CPNE7: variants seen among roughly 807,000 people sequenced by gnomAD.
CPNE7 encodes the protein copine-7.
A neutral mutation model predicts 66.5 loss-of-function variants in CPNE7; 78 were observed. The observed-to-expected ratio is 1.17, with a 90% CI of 0.98 to 1.42. CPNE7 has a LOEUF of 1.42. Among genes scored for constraint, CPNE7 ranks in the 40% most tolerant of loss-of-function variants. CPNE7 has a pLI of 0.00. For missense variants in CPNE7, 1,012 were observed against 776.6 expected, an observed-to-expected ratio of 1.30 and a Z score of -3.60; for synonymous variants, 468 against 336.7, an observed-to-expected ratio of 1.39 and a Z score of -4.27.
Position 89,596,510 on chromosome 16 carries a change from C to T in CPNE7, c.1566C>T (p.Cys522=). ...KNASPAALAK[C]VLAEVPKQVV... ...CATCCCCTGCGGCGCTGGCCAAGTG[C>T]GTGCTGGCCGAGGTCCCGAAGCAGG... The change falls in exon 15 of 15, where the codon TGC becomes TGT. Residue 522 remains cysteine (C), a synonymous_variant. Coordinates refer to ENST00000319518, the MANE Select transcript of CPNE7 (RefSeq NM_153636.3). 15 of 1,609,546 alleles carry T rather than the reference C, an allele frequency of 9.3e-6. No homozygotes were observed. The highest frequency in any genetic ancestry group is 1.7e-4 in the Middle Eastern group (1 of 6,052).
intron 9 of CPNE7, 69 bp from the exon 10 acceptor site, chr16:89,588,606 C>G: frequency 6.3e-7 from 1 of 1,597,440 alleles, no homozygotes; most frequent in Non-Finnish European, 8.5e-7. Context: ...GGCGTGGTTT[C>G]TCTACCTGTC....
At chr16:89,586,895 G>T in intron 8 of CPNE7, 139 bp downstream of exon 8, 1 of 1,101,884 alleles carries the variant, frequency 9.1e-7, no homozygotes, top group Non-Finnish European at 1.3e-6. Context: ...ACGGGGAAGG[G>T]CGAGGTTGGG....
At position 89,585,563 on chromosome 16, in the gene CPNE7, G is replaced by A. The variant is rs759078456; in HGVS notation, c.681+10G>A. The A allele has an allele frequency of 2.7e-5, 43 of 1,607,726 alleles. No individual in the cohort carries two copies. The South Asian group carries it at 3.8e-4, about 14-fold the overall frequency. Reference sequence around the variant, plus strand: ...GACAAGGCCTCTAAAGGTGGGGGACGGGATGGACCAAGGGGGCAGTGAGGG... The same window carrying A: ...GACAAGGCCTCTAAAGGTGGGGGACAGGATGGACCAAGGGGGCAGTGAGGG... On this transcript the variant is annotated intron_variant, in intron 6 of 14. Transcript: ENST00000319518.
intron 2 of CPNE7, 110 bp from the exon 3 acceptor site, chr16:89,583,587 G>C (rs933868996): frequency 5.0e-6 from 8 of 1,604,722 alleles, no homozygotes; most frequent in Non-Finnish European, 3.4e-6. Flanking sequence ...TCATGGTGGG[G>C]GATGGGGAGA....
chr16:89,588,793 G>C lies in CPNE7; in HGVS notation c.1046G>C (p.Cys349Ser). The change falls in exon 10 of 15, where the codon TGC becomes TCC. Residue 349 changes from cysteine (C) to serine (S), a missense_variant. Coordinates refer to ENST00000319518, the MANE Select transcript of CPNE7 (RefSeq NM_153636.3). Reference sequence around the variant, plus strand: ...GCACTGGTGTCCGTGGGCGAGATCTGCCAGGACTATGACAGGTGCGCCCAC... The same window carrying C: ...GCACTGGTGTCCGTGGGCGAGATCTCCCAGGACTATGACAGGTGCGCCCAC... ...LKALVSVGEI[C>S]QDYDSDKRFS... 2 of 1,613,550 alleles carry C rather than the reference G, an allele frequency of 1.2e-6. No homozygotes were observed. The highest frequency in any genetic ancestry group is 2.2e-5 in the South Asian group (2 of 91,078).
Position 89,596,914 on chromosome 16 carries a change from C to T in CPNE7, c.*293C>T, listed in dbSNP as rs571597906. 41 of 320,132 alleles carry T rather than the reference C, an allele frequency of 1.3e-4. No individual in the cohort carries two copies. The highest frequency in any genetic ancestry group is 8.6e-4 in the African/African-American group (40 of 46,648). The allele number at this position is 320,132 out of a possible 1,614,324, so 19.8% of individuals were successfully genotyped here. On this transcript the variant is annotated 3_prime_UTR_variant, in exon 15 of 15. Coordinates refer to ENST00000319518, the MANE Select transcript of CPNE7 (RefSeq NM_153636.3). ...GAGCTGGGAGTTCATCCACGGGAGA[C>T]CCTGCCCCGATGAGAAGGGGCAGGG... is the stretch of plus-strand genomic sequence containing the variant.
intron 7 of CPNE7, 121 bp from the exon 8 acceptor site, chr16:89,586,544 GCCCTC>G (rs563131504): frequency 1.4e-5 from 10 of 713,892 alleles, no homozygotes; most frequent in Non-Finnish European, 2.0e-5. Flanking sequence ...CTGCAGCAGT[GCCCTC>G]CCCTCCCCTC....
At chr16:89,589,859 G>A in intron 10 of CPNE7, 38 bp from the exon 11 acceptor site, 1 of 1,612,502 alleles carries the variant, frequency 6.2e-7, no homozygotes, top group Non-Finnish European at 8.5e-7. Context: ...AGCCACAAGA[G>A]GTCAGGGCCT....
At chr16:89,578,561 A>C (rs2058896822) in intron 2 of CPNE7, among the ~76,000 whole-genome samples, 1 of 151,776 alleles carries the variant, frequency 6.6e-6, no homozygotes, top group African/African-American at 2.4e-5. Context: ...GGAGTTCGAG[A>C]CCAGCCTGGC....
intron 9 of CPNE7, among the ~76,000 whole-genome samples, chr16:89,587,382 G>C (rs1391991829): frequency 3.9e-5 from 4 of 103,602 alleles, no homozygotes; most frequent in Non-Finnish European, 7.9e-5. Flanking sequence ...CCAGCCTGGC[G>C]GGTGAAAGGG....
chr16:89,588,590 A>G, intron 9 of CPNE7, 85 bp from the exon 10 acceptor site: 3 of 1,563,132 alleles, frequency 1.9e-6, no homozygotes, highest in South Asian at 1.2e-5. Flanking sequence ...AGTCCTGGCC[A>G]CTCTGGGCGT....
At chr16:89,589,013 C>T (rs75032725) in intron 10 of CPNE7, among the ~76,000 whole-genome samples, 9,893 of 152,226 alleles carry the variant, frequency 0.065, 1,291 homozygotes, top group East Asian at 0.64. Flanking sequence ...TGTGAGGGGC[C>T]GGGCGCGGTA....
chr16:89,584,970 G>A lies in CPNE7; in HGVS notation c.591+113G>A. 2.1e-6 allele frequency: 2 copies of A among 948,176 alleles called. No homozygotes were observed. Among genetic ancestry groups the A allele is most frequent in the Non-Finnish European group, 3.3e-6 (2 of 614,738 alleles). The allele number at this position is 948,176 out of a possible 1,614,324, so 58.7% of individuals were successfully genotyped here. On this transcript the variant is annotated intron_variant, in intron 5 of 14. Transcript: ENST00000319518. The surrounding 1 kb of genome is among the most constrained non-coding windows in gnomAD (Gnocchi z 6.0). Reference sequence around the variant, plus strand: ...CCTCCAACAGGGAGCTGTGGGCGCAGGGCTTTGGTGGCTGTGGCTATGGCC... The same window carrying A: ...CCTCCAACAGGGAGCTGTGGGCGCAAGGCTTTGGTGGCTGTGGCTATGGCC...
At position 89,588,784 on chromosome 16, in the gene CPNE7, G is replaced by GCGAGAT; in HGVS notation, c.1039_1044dup (p.Glu347_Ile348dup). 6.2e-7 allele frequency: 1 copy of GCGAGAT among 1,613,676 alleles called. No homozygotes were observed. The highest frequency in any genetic ancestry group is 8.5e-7 in the Non-Finnish European group (1 of 1,179,954). On this transcript the variant is annotated inframe_insertion, in exon 10 of 15. Coordinates refer to ENST00000319518, the MANE Select transcript of CPNE7 (RefSeq NM_153636.3). ...TACCTGAAGGCACTGGTGTCCGTGG[G>GCGAGAT]CGAGATCTGCCAGGACTATGACAGG... is the stretch of plus-strand genomic sequence containing the variant.
chr16:89,589,181 A>G (rs1462068104), intron 10 of CPNE7, among the ~76,000 whole-genome samples: 1 of 152,176 alleles, frequency 6.6e-6, no homozygotes, highest in Non-Finnish European at 1.5e-5. Context: ...AATCCCAGCT[A>G]CTCAGGAGGC....
chr16:89,588,547 C>T (rs966337411), intron 9 of CPNE7, 128 bp from the exon 10 acceptor site: 5 of 1,176,102 alleles, frequency 4.3e-6, no homozygotes, highest in East Asian at 4.9e-5. Flanking sequence ...AGCAGCCCCC[C>T]AGCCCTACCC....
chr16:89,588,306 G>C (rs2059116061), intron 9 of CPNE7, among the ~76,000 whole-genome samples: 1 of 152,256 alleles, frequency 6.6e-6, no homozygotes. Flanking sequence ...GGCTTTGGGA[G>C]AAGCCAGCAA....
intron 13 of CPNE7, 57 bp from the exon 14 acceptor site, chr16:89,595,310 G>A (rs2059236104): frequency 1.4e-6 from 2 of 1,435,946 alleles, no homozygotes; most frequent in Non-Finnish European, 1.9e-6. Flanking sequence ...GTGGGTTGCA[G>A]GGCGCATGTG....
chr16:89,596,921 C>G lies in CPNE7; in HGVS notation c.*300C>G. 3.3e-6 allele frequency: 1 copy of G among 302,426 alleles called. No homozygotes were observed. Among genetic ancestry groups the G allele is most frequent in the Non-Finnish European group, 6.0e-6 (1 of 166,046 alleles). The allele number at this position is 302,426 out of a possible 1,614,324, so 18.7% of individuals were successfully genotyped here. A position where few individuals can be genotyped will look rare whatever the true frequency, so the allele number is the denominator to read the frequency against. ...GAGTTCATCCACGGGAGACCCTGCC[C>G]CGATGAGAAGGGGCAGGGACTGGGG... On this transcript the variant is annotated 3_prime_UTR_variant, in exon 15 of 15. Coordinates refer to ENST00000319518, the MANE Select transcript of CPNE7 (RefSeq NM_153636.3).
Sources: allele counts gnomAD v4.1 joint callset (sites outside exome capture counted in the v4.1 genomes callset), GRCh38; gene constraint gnomAD v4.1.1; non-coding constraint Gnocchi (gnomAD v3.1); transcripts MANE v1.5; gene names NCBI Gene and HGNC (gene_info 2026-07-23, HGNC 2026-07-21).